The following RNLS variants were observed in gnomAD, a reference collection of about 807,000 sequenced individuals.
RNLS encodes the protein renalase, FAD dependent amine oxidase, also known as renalase.
Under a neutral mutation model 39.8 loss-of-function variants are expected in RNLS, and 39 were observed. The observed-to-expected ratio is 0.98, with a 90% CI of 0.76 to 1.28. The LOEUF is 1.28. Among genes scored for constraint, RNLS ranks in the 50% most tolerant of loss-of-function variants. The pLI is 0.00. For synonymous variants in RNLS, 147 were observed against 150.7 expected, an observed-to-expected ratio of 0.98 and a Z score of 0.18; for missense variants, 410 against 413.3, an observed-to-expected ratio of 0.99 and a Z score of 0.07.
chr10:88,393,169 A>G (rs7895199), intron 4 of RNLS, among the ~76,000 whole-genome samples: 48,003 of 151,898 alleles, frequency 0.32, 8,657 homozygotes, highest in African/African-American at 0.48. Flanking sequence ...CCTATTCAAC[A>G]TAGTGTTGGA....
At chr10:88,350,452 A>G (rs938983753) in intron 5 of RNLS, among the ~76,000 whole-genome samples, 17 of 151,922 alleles carry the variant, frequency 1.1e-4, no homozygotes, top group Non-Finnish European at 1.6e-4. Context: ...TCATTGTTCA[A>G]TTCCCACCTA....
intron 4 of RNLS, among the ~76,000 whole-genome samples, chr10:88,508,402 T>C (rs1845911958): frequency 6.6e-6 from 1 of 152,178 alleles, no homozygotes; most frequent in Admixed American, 6.6e-5. Context: ...TATGTTGTGA[T>C]GACCCAATGA....
the RNLS span, among the ~76,000 whole-genome samples, chr10:88,238,932 C>G: frequency 3.3e-5 from 5 of 152,104 alleles, no homozygotes; most frequent in African/African-American, 1.2e-4. Context: ...CCTCCCTATG[C>G]CAGCCATGTG....
chr10:88,334,284 T>C (rs1349690964), intron 5 of RNLS, among the ~76,000 whole-genome samples: 3 of 152,222 alleles, frequency 2.0e-5, no homozygotes, highest in East Asian at 1.9e-4. Context: ...TATTTTTAGT[T>C]TTCAGTTAGT....
In RNLS at chr10:88,546,926, GACAGAAGACTGTACC is replaced by G. The variant is rs1035802833; in HGVS notation, c.526+25962_526+25976del. ...AACCAAAAAAAAAAAAAAATGGTTA[GACAGAAGACTGTACC>G]ATGTGAATGACAGGGGAAAACATTA... On this transcript the variant is annotated intron_variant, in intron 4 of 6. Coordinates refer to ENST00000331772, the MANE Select transcript of RNLS (RefSeq NM_001031709.3). 1.1e-4 allele frequency among the ~76,000 whole-genome samples: 17 copies of G among 151,140 alleles called. No homozygotes were observed. In the South Asian group the frequency reaches 1.2e-3, roughly 11 times the overall value.
chr10:88,309,345 C>T, intron 6 of RNLS: 2 of 1,142,264 alleles, frequency 1.8e-6, no homozygotes, highest in Non-Finnish European at 2.3e-6. Context: ...ATATCAATCA[C>T]CACCTGACTT....
At chr10:88,434,708 C>T (rs1855357051) in intron 4 of RNLS, among the ~76,000 whole-genome samples, 1 of 152,082 alleles carries the variant, frequency 6.6e-6, no homozygotes, top group African/African-American at 2.4e-5. Context: ...TTTGTGCACA[C>T]AGGCTCTAGC....
At chr10:88,573,245 C>T (rs760116076) in intron 3 of RNLS, among the ~76,000 whole-genome samples, 184 bp from the exon 4 acceptor site, 18 of 152,176 alleles carry the variant, frequency 1.2e-4, no homozygotes, top group Non-Finnish European at 2.1e-4. Flanking sequence ...TACCTGGCAT[C>T]CTTGGACTTC....
chr10:88,530,791 C>A (rs933911117), intron 4 of RNLS, among the ~76,000 whole-genome samples: 1 of 151,944 alleles, frequency 6.6e-6, no homozygotes, highest in Non-Finnish European at 1.5e-5. Flanking sequence ...ATTTTTCTCA[C>A]AAAATATGGC....
chr10:88,330,759 T>G (rs1293145219), intron 5 of RNLS, among the ~76,000 whole-genome samples: 6 of 152,110 alleles, frequency 3.9e-5, no homozygotes, highest in African/African-American at 1.2e-4. Flanking sequence ...TGCAACATCC[T>G]TTACAATTTG....
At chr10:88,276,361 G>C (rs1295170754) in intron 6 of RNLS, among the ~76,000 whole-genome samples, 1 of 152,030 alleles carries the variant, frequency 6.6e-6, no homozygotes, top group Non-Finnish European at 1.5e-5. Flanking sequence ...CTAGAAATAG[G>C]TTAAACATTT....
intron 5 of RNLS, among the ~76,000 whole-genome samples, chr10:88,327,102 G>A (rs1846674983): frequency 6.6e-6 from 1 of 152,134 alleles, no homozygotes. Context: ...GCTCGTAGGT[G>A]GAAGGGACTT....
chr10:88,331,223 C>T (rs1847088720), intron 5 of RNLS, among the ~76,000 whole-genome samples: 1 of 152,136 alleles, frequency 6.6e-6, no homozygotes, highest in Non-Finnish European at 1.5e-5. Context: ...TATTCACATG[C>T]AAACACATCA....
chr10:88,518,282 G>A (rs946119363), intron 4 of RNLS, among the ~76,000 whole-genome samples: 1 of 151,704 alleles, frequency 6.6e-6, no homozygotes, highest in African/African-American at 2.4e-5. Context: ...TAACCCACAG[G>A]CAAAATATAG....
At chr10:88,526,993 G>A (rs890465774) in intron 4 of RNLS, among the ~76,000 whole-genome samples, 1 of 151,946 alleles carries the variant, frequency 6.6e-6, no homozygotes, top group South Asian at 2.1e-4. Flanking sequence ...GGGCAGTTAA[G>A]TACTTGGGTT....
chr10:88,283,969 AT>A (rs1843116292), downstream of RNLS: 1 of 240,652 alleles, frequency 4.2e-6, no homozygotes, highest in Admixed American at 6.5e-5. Context: ...AATTTAAAAA[AT>A]ATAAATAAAG....
chr10:88,223,979 G>T, the RNLS span, among the ~76,000 whole-genome samples: 1 of 149,432 alleles, frequency 6.7e-6, no homozygotes, highest in Non-Finnish European at 1.5e-5. Flanking sequence ...TGAGTGAGGA[G>T]AAACTGGAGA....
intron 4 of RNLS, among the ~76,000 whole-genome samples, chr10:88,483,844 A>T (rs774991660): frequency 3.3e-5 from 5 of 152,134 alleles, no homozygotes; most frequent in Non-Finnish European, 7.4e-5. Flanking sequence ...AACCTTACAA[A>T]TTGGTAGTAG....
the RNLS span, among the ~76,000 whole-genome samples, chr10:88,190,753 G>T: frequency 6.6e-6 from 1 of 152,112 alleles, no homozygotes; most frequent in Non-Finnish European, 1.5e-5. Flanking sequence ...ACACATCTGT[G>T]CTTGCTTATT....
Sources: allele counts gnomAD v4.1 joint callset (sites outside exome capture counted in the v4.1 genomes callset), GRCh38; gene constraint gnomAD v4.1.1; transcripts MANE v1.5; gene names NCBI Gene and HGNC (gene_info 2026-07-23, HGNC 2026-07-21).